Variants in PUS10 observed in about 807,000 individuals in gnomAD.
PUS10 encodes the protein pseudouridine synthase 10.
PUS10 carries 59 observed loss-of-function variants against 75.0 expected under a neutral mutation model. The ratio of observed to expected loss-of-function variants is 0.79; its 90% CI spans 0.64 to 0.98. The LOEUF (loss-of-function observed/expected upper bound fraction) is 0.98. Ranked by LOEUF, PUS10 falls within the 50% of genes least tolerant of loss-of-function variation. The pLI, the probability that PUS10 is intolerant of heterozygous loss-of-function variation, is 0.00. For synonymous variants in PUS10, 219 were observed against 211.6 expected, an observed-to-expected ratio of 1.03 and a Z score of -0.30; for missense variants, 650 against 614.4, an observed-to-expected ratio of 1.06 and a Z score of -0.61.
intron 15 of PUS10, among the ~76,000 whole-genome samples, chr2:60,951,379 T>C (rs755747690): frequency 4.1e-4 from 62 of 152,154 alleles, no homozygotes; most frequent in Non-Finnish European, 6.9e-4. Context: ...TCTATCATTA[T>C]TACACTGTAA....
At chr2:60,971,922 G>A (rs1318786240) in intron 4 of PUS10, among the ~76,000 whole-genome samples, 2 of 137,898 alleles carry the variant, frequency 1.5e-5, no homozygotes, top group Non-Finnish European at 3.0e-5. Flanking sequence ...CCAAGCTGGA[G>A]TGTACTGGCA....
At chr2:60,965,178 T>C in intron 7 of PUS10, 75 bp from the exon 8 acceptor site, 4 of 1,421,728 alleles carry the variant, frequency 2.8e-6, no homozygotes, top group Non-Finnish European at 4.0e-6. Context: ...ATATATTTCA[T>C]ACAAAATGGC....
At chr2:60,952,491 A>C (rs904371969) in intron 15 of PUS10, among the ~76,000 whole-genome samples, 2 of 152,178 alleles carry the variant, frequency 1.3e-5, no homozygotes, top group African/African-American at 4.8e-5. Context: ...TGCTTTACAT[A>C]TATTGTCATG....
At chr2:60,976,463 T>G (rs1677039107) in intron 4 of PUS10, among the ~76,000 whole-genome samples, 2 of 152,244 alleles carry the variant, frequency 1.3e-5, no homozygotes, top group Admixed American at 6.5e-5. Context: ...AACTCTGTTC[T>G]CTACAAGTCA....
chr2:60,981,513 C>T (rs1392022632), intron 4 of PUS10, among the ~76,000 whole-genome samples: 7 of 152,174 alleles, frequency 4.6e-5, no homozygotes, highest in Admixed American at 3.9e-4. Context: ...AACTCCTGAC[C>T]TCAGGTGATC....
At chr2:61,017,707 C>G in intron 1 of PUS10, 1 of 1,442,272 alleles carries the variant, frequency 6.9e-7, no homozygotes, top group Non-Finnish European at 9.5e-7. Flanking sequence ...TGCTGGTCTA[C>G]GCGGGCCTGG....
intron 1 of PUS10, among the ~76,000 whole-genome samples, chr2:61,013,645 G>C (rs1265269707): frequency 6.6e-6 from 1 of 152,164 alleles, no homozygotes; most frequent in Non-Finnish European, 1.5e-5. Context: ...AAGGGCCTTG[G>C]CATTCAGACT....
At chr2:60,944,203 A>T in intron 17 of PUS10, 1 of 984,396 alleles carries the variant, frequency 1.0e-6, no homozygotes, top group Non-Finnish European at 1.2e-6. Context: ...GTTTCACTGA[A>T]GAGGCTCCCT....
At chr2:61,005,386 G>C (rs3097381) in intron 4 of PUS10, among the ~76,000 whole-genome samples, 26,314 of 152,196 alleles carry the variant, frequency 0.17, 2,603 homozygotes, top group Non-Finnish European at 0.22. Flanking sequence ...TGGATAATAT[G>C]AATCTTAATG....
intron 1 of PUS10, among the ~76,000 whole-genome samples, chr2:61,012,481 C>T (rs953832042): frequency 1.2e-4 from 18 of 151,698 alleles, no homozygotes; most frequent in Non-Finnish European, 1.9e-4. Flanking sequence ...CAAAGTGAGT[C>T]ATAGAAACCA....
intron 12 of PUS10, 136 bp downstream of exon 12, chr2:60,954,882 C>T: frequency 2.0e-6 from 1 of 509,516 alleles, no homozygotes; most frequent in East Asian, 3.2e-5. Flanking sequence ...CCATAATCCA[C>T]AAAGCTTCCT....
intron 7 of PUS10, 89 bp downstream of exon 7, chr2:60,965,334 T>C (rs1324571541): frequency 5.3e-6 from 6 of 1,131,146 alleles, no homozygotes; most frequent in Non-Finnish European, 7.9e-6. Context: ...CTTCTCTTTC[T>C]TATTAGGAAG....
intron 10 of PUS10, among the ~76,000 whole-genome samples, chr2:60,960,843 T>TTA (rs1491333357): frequency 2.5e-5 from 3 of 120,648 alleles, no homozygotes; most frequent in Admixed American, 8.3e-5. Flanking sequence ...ATACCAAGGA[T>TTA]AAAAAAAAAA....
chr2:61,007,594 C>A (rs1486712587), intron 3 of PUS10, among the ~76,000 whole-genome samples: 1 of 151,656 alleles, frequency 6.6e-6, no homozygotes, highest in African/African-American at 2.4e-5. Flanking sequence ...CATGGTGAAA[C>A]CCCGTCTCTA....
In PUS10 at chr2:60,962,814, A is replaced by C; in HGVS notation, c.788+12T>G. 2 of 1,578,400 alleles carry C rather than the reference A, an allele frequency of 1.3e-6. No individual in the cohort carries two copies. The highest frequency in any genetic ancestry group is 1.7e-6 in the Non-Finnish European group (2 of 1,165,686). The stretch of plus-strand genomic sequence containing the variant: ...TTTCACGATGCTTCTTTGTTTCTAA[A>C]CTTCTACTTACTTAAGGAAATCCTC... On this transcript the variant is annotated intron_variant, in intron 9 of 17. Coordinates refer to ENST00000316752, the MANE Select transcript of PUS10 (RefSeq NM_144709.4).
At chr2:60,966,906 G>A (rs1479691445) in intron 6 of PUS10, 1 of 152,322 alleles carries the variant, frequency 6.6e-6, no homozygotes, top group African/African-American at 2.4e-5. Flanking sequence ...AATTTAAGAT[G>A]ACCTTCCTGT....
At position 61,010,993 on chromosome 2, in the gene PUS10, A is replaced by AT; in HGVS notation, c.126+771dup. 2.9e-6 allele frequency: 4 copies of AT among 1,386,702 alleles called. No individual in the cohort carries two copies. In the East Asian group the frequency reaches 1.0e-4, roughly 35 times the overall value. The allele number at this position is 1,386,702 out of a possible 1,614,324, so 85.9% of individuals were successfully genotyped here. A position where few individuals can be genotyped will look rare whatever the true frequency, so the allele number is the denominator to read the frequency against. ...TGATAATTGAATATTGTGTATTATTATTGCCAAAATAATAGAAACAACTAA... is the reference window on the plus strand; with the variant it reads ...TGATAATTGAATATTGTGTATTATTATTTGCCAAAATAATAGAAACAACTAA... On this transcript the variant is annotated intron_variant, in intron 2 of 17. Coordinates refer to ENST00000316752, the MANE Select transcript of PUS10 (RefSeq NM_144709.4).
intron 4 of PUS10, among the ~76,000 whole-genome samples, chr2:60,986,295 T>A (rs1354110362): frequency 6.6e-6 from 1 of 152,236 alleles, no homozygotes; most frequent in Non-Finnish European, 1.5e-5. Flanking sequence ...TTGACCTAGT[T>A]TAAGTTACCA....
chr2:60,976,961 C>T (rs977230101), intron 4 of PUS10, among the ~76,000 whole-genome samples: 1 of 152,162 alleles, frequency 6.6e-6, no homozygotes. Flanking sequence ...AAATTTGATA[C>T]CAGAGGCAGT....
Sources: allele counts gnomAD v4.1 joint callset (sites outside exome capture counted in the v4.1 genomes callset), GRCh38; gene constraint gnomAD v4.1.1; transcripts MANE v1.5; gene names NCBI Gene and HGNC (gene_info 2026-07-23, HGNC 2026-07-21).